The following LNX1 variants were observed in gnomAD, a reference collection of about 807,000 sequenced individuals.
The protein encoded by LNX1 is ligand of numb-protein X 1, also known as E3 ubiquitin-protein ligase LNX.
Under a neutral mutation model 68.4 loss-of-function variants are expected in LNX1, and 54 were observed. The ratio of observed to expected loss-of-function variants is 0.79; its 90% CI spans 0.63 to 0.99. The LOEUF is 0.99. Among genes scored for constraint, LNX1 ranks in the 50% least tolerant of loss-of-function variants. The probability of loss-of-function intolerance (pLI) is 0.00; values close to 1 mark genes in which losing one functional copy is unlikely to be tolerated. For synonymous variants in LNX1, 336 were observed against 350.0 expected (o/e 0.96, Z 0.45); for missense variants, 906 against 926.4 (o/e 0.98, Z 0.29).
chr4:53,647,457 A>G (rs759260486), intron 1 of LNX1, among the ~76,000 whole-genome samples: 8 of 152,190 alleles, frequency 5.3e-5, no homozygotes, highest in Admixed American at 4.6e-4. Context: ...GTCTCAGCCA[A>G]TGATGGAGAA....
At chr4:53,575,932 A>G in intron 1 of LNX1, 1 of 1,567,390 alleles carries the variant, frequency 6.4e-7, no homozygotes, top group Non-Finnish European at 8.6e-7. Flanking sequence ...TCTTGGGGTC[A>G]GCACCAACCT....
At chr4:53,627,183 C>T (rs772206486) in intron 1 of LNX1, among the ~76,000 whole-genome samples, 10 of 152,282 alleles carry the variant, frequency 6.6e-5, no homozygotes, top group East Asian at 3.9e-4. Context: ...AGAAGGAAAG[C>T]GTAGCTGGCT....
intron 6 of LNX1, among the ~76,000 whole-genome samples, chr4:53,487,597 C>T (rs973668777): frequency 7.9e-5 from 12 of 152,112 alleles, no homozygotes; most frequent in African/African-American, 2.2e-4. Context: ...GCATCAGGAC[C>T]GTGTTGTTCA....
intron 2 of LNX1, among the ~76,000 whole-genome samples, chr4:53,512,434 G>A (rs1726416450): frequency 6.6e-6 from 1 of 151,628 alleles, no homozygotes; most frequent in South Asian, 2.1e-4. Context: ...CAGTCCTCTA[G>A]AATGCAACAC....
Position 53,501,306 on chromosome 4 carries a change from G to GGC in LNX1, c.776-2464_776-2463insGC, listed in dbSNP as rs1553932768. On this transcript the variant is annotated intron_variant, in intron 4 of 10. Coordinates refer to ENST00000263925, the MANE Select transcript of LNX1 (RefSeq NM_001126328.3). ...CTTTTTTTTTTTTTTTTTTGGGGGT[G>GGC]GGGGGACAGGATCTCACTCTGTCAC... Among the ~76,000 whole-genome samples, 19 of 119,934 alleles carry GGC rather than the reference G, an allele frequency of 1.6e-4. 2 individuals are homozygous for GGC. Among genetic ancestry groups the GGC allele is most frequent in the South Asian group, 7.3e-4 (2 of 2,748 alleles). 78.7% of individuals were successfully genotyped at this position (119,934 alleles called of 152,430 possible).
In LNX1 at chr4:53,496,346, G is replaced by C. The variant is rs777147482; in HGVS notation, c.1027C>G (p.Leu343Val). Residue 343 changes from leucine to valine, a missense_variant, in exon 6 of 11, where the codon CTC (leucine) becomes GTC (valine). Transcript: ENST00000263925. ...AGCACCTGGCAGGGCTGCCGCAGGAGACGCACAGCGTAGTTGTGAGGGACA... is the reference window on the plus strand; with the variant it reads ...AGCACCTGGCAGGGCTGCCGCAGGACACGCACAGCGTAGTTGTGAGGGACA... The part of the protein sequence containing the change: ...SNVPHNYAVR[L>V]LRQPCQVLWL... 2.5e-6 allele frequency: 4 copies of C among 1,614,152 alleles called. No homozygotes were observed. Among genetic ancestry groups the C allele is most frequent in the East Asian group, 2.2e-5 (1 of 44,866 alleles).
chr4:53,587,741 T>G (rs1207522604), intron 1 of LNX1, among the ~76,000 whole-genome samples: 1 of 152,172 alleles, frequency 6.6e-6, no homozygotes, highest in East Asian at 1.9e-4. Context: ...AAAGGAAGTC[T>G]TAGCCAAGGT....
intron 2 of LNX1, among the ~76,000 whole-genome samples, chr4:53,527,444 A>G (rs1427469822): frequency 6.6e-6 from 1 of 152,186 alleles, no homozygotes; most frequent in African/African-American, 2.4e-5. Flanking sequence ...CCCCACACCC[A>G]TAATTAGTCT....
intron 2 of LNX1, among the ~76,000 whole-genome samples, chr4:53,551,045 C>T (rs1312977638): frequency 2.0e-5 from 3 of 152,092 alleles, no homozygotes; most frequent in Admixed American, 6.5e-5. Context: ...AGGTGTATGT[C>T]GCAGGTTAGG....
At chr4:53,540,279 G>A (rs1215640773) in intron 2 of LNX1, among the ~76,000 whole-genome samples, 1 of 152,036 alleles carries the variant, frequency 6.6e-6, no homozygotes, top group Non-Finnish European at 1.5e-5. Flanking sequence ...GCCACTCGGG[G>A]GGCTTAGGAG....
At chr4:53,511,963 ATC>A (rs1489871298) in intron 2 of LNX1, among the ~76,000 whole-genome samples, 1 of 152,162 alleles carries the variant, frequency 6.6e-6, no homozygotes, top group Non-Finnish European at 1.5e-5. Context: ...CCTCCCTTTG[ATC>A]TCTCCAACTT....
Position 53,626,693 on chromosome 4 carries a change from C to T in LNX1, c.-215+25475G>A, listed in dbSNP as rs1483493452. ...TATTTCTTTACGTTGCTCTTTTTGC[C>T]ATAAATAGGCAAACCAAAAAAAAGA... On this transcript the variant is annotated intron_variant, in intron 1 of 2. Coordinates refer to the LNX1 transcript ENST00000507168. Among the ~76,000 whole-genome samples the T allele has an allele frequency of 2.0e-5, 3 of 152,118 alleles. No homozygotes were observed. In the East Asian group the frequency reaches 5.8e-4, roughly 29 times the overall value.
chr4:53,568,446 A>G (rs548963222), intron 2 of LNX1, among the ~76,000 whole-genome samples: 8,029 of 152,170 alleles, frequency 0.053, 311 homozygotes, highest in Non-Finnish European at 0.077. Flanking sequence ...AAATTCAACA[A>G]CCTTTCATGC....
In LNX1 at chr4:53,509,995, G is replaced by A. The variant is rs867914688; in HGVS notation, c.381-1768C>T. On this transcript the variant is annotated intron_variant, in intron 2 of 10. Coordinates refer to ENST00000263925, the MANE Select transcript of LNX1 (RefSeq NM_001126328.3). The stretch of plus-strand genomic sequence containing the variant: ...AGAAAGCCTCAAAAACAGAACAATT[G>A]GATATTGATGAAGTACATATTCATT... Among the ~76,000 whole-genome samples, 3 of 152,254 alleles carry A rather than the reference G, an allele frequency of 2.0e-5. 1 individual carries two copies. The highest frequency in any genetic ancestry group is 3.4e-3 in the Middle Eastern group (1 of 294).
chr4:53,602,549 G>A (rs1300155440), intron 2 of LNX1, among the ~76,000 whole-genome samples: 1 of 152,212 alleles, frequency 6.6e-6, no homozygotes, highest in African/African-American at 2.4e-5. Context: ...TTAGAGTGCA[G>A]CCACTTGAGT....
chr4:53,524,643 C>T (rs1180584834), intron 2 of LNX1, among the ~76,000 whole-genome samples: 2 of 152,176 alleles, frequency 1.3e-5, no homozygotes, highest in Non-Finnish European at 2.9e-5. Flanking sequence ...ATATTGTCTC[C>T]AGGGCTGACT....
intron 2 of LNX1, among the ~76,000 whole-genome samples, chr4:53,517,944 G>A (rs1268750824): frequency 6.6e-6 from 1 of 152,154 alleles, no homozygotes; most frequent in East Asian, 1.9e-4. Flanking sequence ...GTGGATTTCT[G>A]ACATCATTTA....
chr4:53,590,689 C>A (rs1306025489), intron 1 of LNX1, among the ~76,000 whole-genome samples: 9 of 152,314 alleles, frequency 5.9e-5, no homozygotes, highest in Admixed American at 2.0e-4. Context: ...AAGTCACATT[C>A]TTGCAGCAAT....
intron 2 of LNX1, among the ~76,000 whole-genome samples, chr4:53,573,037 G>A (rs1731261380): frequency 6.6e-6 from 1 of 152,112 alleles, no homozygotes; most frequent in Non-Finnish European, 1.5e-5. Context: ...TGCCCAACAG[G>A]AAATCCTTTT....
Sources: gnomAD v4.1 joint callset for allele counts (sites outside exome capture counted in the v4.1 genomes callset) on GRCh38, gnomAD v4.1.1 for gene constraint, MANE v1.5 for transcripts, NCBI Gene and HGNC (gene_info 2026-07-23, HGNC 2026-07-21) for gene names.